Variants in AFAP1L2 observed in about 807,000 individuals in gnomAD.
AFAP1L2 encodes the protein actin filament-associated protein 1-like 2.
In AFAP1L2, 46 loss-of-function variants were observed where a neutral mutation model predicts 99.3. The observed-to-expected ratio is 0.46, with a 90% CI of 0.37 to 0.59. AFAP1L2 has a LOEUF of 0.59. Ranked by LOEUF, AFAP1L2 falls within the 20% of genes least tolerant of loss-of-function variation. The pLI is 0.00. For missense variants in AFAP1L2, 959 were observed against 1,034.9 expected (o/e 0.93, Z 1.01); for synonymous variants, 397 against 419.1 (o/e 0.95, Z 0.64).
At chr10:114,322,318 C>T (rs181259735) in intron 5 of AFAP1L2, among the ~76,000 whole-genome samples, 104 of 152,272 alleles carry the variant, frequency 6.8e-4, no homozygotes, top group African/African-American at 2.4e-3. Context: ...TTTCCTCATT[C>T]AGAACTAGGC....
intron 7 of AFAP1L2, among the ~76,000 whole-genome samples, chr10:114,311,731 G>A (rs1321704483): frequency 6.6e-6 from 1 of 152,244 alleles, no homozygotes; most frequent in Non-Finnish European, 1.5e-5. Context: ...CGGGGGCAGG[G>A]TCATGCTTCC....
rs370190658 is a variant in AFAP1L2 at position 114,331,901 on chromosome 10, C to T, written c.221-4G>A. The T allele has an allele frequency of 1.8e-5, 23 of 1,295,756 alleles. No individual in the cohort carries two copies. Among genetic ancestry groups the T allele is most frequent in the Middle Eastern group, 2.4e-4 (1 of 4,086 alleles). 80.3% of individuals were successfully genotyped at this position (1,295,756 alleles called of 1,614,324 possible). A position where few individuals can be genotyped will look rare whatever the true frequency, so the allele number is the denominator to read the frequency against. ...AGCAGGCCCTGCTCCTCAGGCGCTG[C>T]GGGCAGCAAAAGGAAAAGGCTTCGG... is the stretch of plus-strand genomic sequence containing the variant. On this transcript the variant is annotated splice_polypyrimidine_tract_variant and splice_region_variant and intron_variant, in intron 3 of 18. Coordinates refer to ENST00000304129, the MANE Select transcript of AFAP1L2 (RefSeq NM_001001936.3).
chr10:114,319,513 G>A, intron 5 of AFAP1L2: 4 of 1,250,250 alleles, frequency 3.2e-6, no homozygotes, highest in Non-Finnish European at 4.2e-6. Context: ...TTGAGAGACA[G>A]GCAGCAGGCA....
intron 11 of AFAP1L2, 55 bp downstream of exon 11, chr10:114,304,661 AAAC>A (rs1335525249): frequency 6.9e-7 from 1 of 1,451,744 alleles, no homozygotes; most frequent in African/African-American, 1.4e-5. Flanking sequence ...GACTGGCAGC[AAAC>A]AGCCACCACC....
intron 1 of AFAP1L2, among the ~76,000 whole-genome samples, chr10:114,348,583 G>C (rs1158591818): frequency 6.6e-6 from 1 of 152,358 alleles, no homozygotes; most frequent in Non-Finnish European, 1.5e-5. Flanking sequence ...AGCAGTTCCT[G>C]CTTTCCCACA....
At chr10:114,366,966 T>TA (rs2136815418) in intron 1 of AFAP1L2, among the ~76,000 whole-genome samples, 1 of 152,208 alleles carries the variant, frequency 6.6e-6, no homozygotes, top group East Asian at 1.9e-4. Context: ...GACTCCTGTC[T>TA]CAAAAAAACA....
intron 4 of AFAP1L2, among the ~76,000 whole-genome samples, chr10:114,324,406 C>G (rs933941738): frequency 0.038 from 5,565 of 148,302 alleles, 737 homozygotes; most frequent in African/African-American, 0.13. Flanking sequence ...ACCCCCCCCC[C>G]CCCCCCGGCT....
intron 1 of AFAP1L2, among the ~76,000 whole-genome samples, chr10:114,341,234 T>C (rs1004698813): frequency 6.6e-6 from 1 of 152,134 alleles, no homozygotes; most frequent in African/African-American, 2.4e-5. Flanking sequence ...TCCTTCCAGT[T>C]CTGAAGCTCT....
At chr10:114,305,417 A>ACGGCGC (rs2042052517) in intron 10 of AFAP1L2, among the ~76,000 whole-genome samples, 1 of 44,516 alleles carries the variant, frequency 2.2e-5, no homozygotes, top group Non-Finnish European at 6.2e-5. Flanking sequence ...GCAGAAGGAG[A>ACGGCGC]TGCAGATGCA....
At chr10:114,314,085 AG>A in intron 6 of AFAP1L2, 35 bp from the exon 7 acceptor site, 11 of 1,588,972 alleles carry the variant, frequency 6.9e-6, no homozygotes, top group Non-Finnish European at 9.5e-6. Flanking sequence ...CCACTTTGCC[AG>A]GGGTGCCGGG....
chr10:114,337,200 C>T (rs971359032), intron 2 of AFAP1L2, among the ~76,000 whole-genome samples: 2 of 152,248 alleles, frequency 1.3e-5, no homozygotes, highest in South Asian at 4.1e-4. Context: ...GTCCACCTGT[C>T]CAGGCCCAAG....
At chr10:114,404,374 C>G (rs895216695) in intron 1 of AFAP1L2, 66 bp downstream of exon 1, 10 of 1,491,540 alleles carry the variant, frequency 6.7e-6, no homozygotes, top group Non-Finnish European at 9.1e-6. Context: ...GAGTCCTAGC[C>G]CTGCCCTCCG....
intron 1 of AFAP1L2, among the ~76,000 whole-genome samples, chr10:114,348,327 G>T (rs2049915247): frequency 6.6e-6 from 1 of 152,202 alleles, no homozygotes; most frequent in East Asian, 1.9e-4. Context: ...GTTAGGCACA[G>T]AACCTTCCCA....
chr10:114,375,954 T>C (rs2054739689), intron 1 of AFAP1L2, among the ~76,000 whole-genome samples: 1 of 152,172 alleles, frequency 6.6e-6, no homozygotes, highest in Admixed American at 6.5e-5. Context: ...AGTGAGACCC[T>C]GTCTCAAAAC....
chr10:114,331,216 T>A (rs2047184213), intron 4 of AFAP1L2, among the ~76,000 whole-genome samples: 1 of 152,170 alleles, frequency 6.6e-6, no homozygotes, highest in African/African-American at 2.4e-5. Flanking sequence ...CAGTGTGATA[T>A]GTTTTATGAA....
chr10:114,366,512 C>A (rs2053273564), intron 1 of AFAP1L2, among the ~76,000 whole-genome samples: 1 of 152,176 alleles, frequency 6.6e-6, no homozygotes, highest in Non-Finnish European at 1.5e-5. Flanking sequence ...AAAATATACT[C>A]CACACTTCAA....
chr10:114,364,876 A>AT (rs2052977536), intron 1 of AFAP1L2, among the ~76,000 whole-genome samples: 1 of 152,014 alleles, frequency 6.6e-6, no homozygotes, highest in African/African-American at 2.4e-5. Context: ...CTGAGTCCTC[A>AT]TGCTCCTTCT....
In AFAP1L2 at chr10:114,344,272, T is replaced by C. The variant is rs139267060; in HGVS notation, c.17-3541A>G. On this transcript the variant is annotated intron_variant, in intron 1 of 18. Transcript: ENST00000304129. ...CCCAGGAACTCAAAAGCAGTGAGCT[T>C]AAAGAAGCCAAACCAGGGAAAATAA... Among the ~76,000 whole-genome samples, 11 of 152,248 alleles carry C rather than the reference T, an allele frequency of 7.2e-5. No individual in the cohort carries two copies. In the East Asian group the frequency reaches 2.1e-3, roughly 29 times the overall value.
intron 1 of AFAP1L2, among the ~76,000 whole-genome samples, chr10:114,383,952 C>T (rs994373988): frequency 3.9e-5 from 6 of 152,330 alleles, no homozygotes; most frequent in South Asian, 2.1e-4. Context: ...CCTCCAACCT[C>T]GTCACAGGAA....
Sources: allele counts gnomAD v4.1 joint callset (sites outside exome capture counted in the v4.1 genomes callset), GRCh38; gene constraint gnomAD v4.1.1; transcripts MANE v1.5; gene names NCBI Gene and HGNC (gene_info 2026-07-23, HGNC 2026-07-21).